Variants in SLC43A1 observed in about 807,000 individuals in gnomAD.
SLC43A1 encodes large neutral amino acids transporter small subunit 3.
Under a neutral mutation model 59.5 loss-of-function variants are expected in SLC43A1, and 31 were observed. That is an observed-to-expected ratio of 0.52 (90% CI 0.39 to 0.70). SLC43A1 has a LOEUF of 0.70. SLC43A1 is among the 30% of genes least tolerant of loss of function. SLC43A1 has a pLI of 0.00. For missense variants in SLC43A1, 598 were observed against 717.8 expected (o/e 0.83, Z 1.91); for synonymous variants, 259 against 290.9 (o/e 0.89, Z 1.12).
rs531238746 is a variant in SLC43A1, at chr11:57,500,760, C to A, written c.465+19G>T. 6.2e-7 allele frequency: 1 copy of A among 1,613,272 alleles called. No homozygotes were observed. The highest frequency in any genetic ancestry group is 2.2e-5 in the East Asian group (1 of 44,878). On this transcript the variant is annotated intron_variant, in intron 5 of 14. Transcript: ENST00000278426. The stretch of plus-strand genomic sequence containing the variant: ...CACTCGGGGGAACTCTGCTGCCAGG[C>A]CAGGCCTGTGACACTCACCGTGAGT...
intron 2 of SLC43A1, among the ~76,000 whole-genome samples, chr11:57,502,570 C>T (rs185544211): frequency 6.6e-6 from 1 of 152,188 alleles, no homozygotes; most frequent in Admixed American, 6.5e-5. Flanking sequence ...GTGACAGGTG[C>T]TGCTAAAAGA....
chr11:57,491,901 T>G (rs1943917075), intron 8 of SLC43A1, 39 bp from the exon 9 acceptor site: 9 of 1,603,322 alleles, frequency 5.6e-6, no homozygotes, highest in Non-Finnish European at 7.7e-6. Flanking sequence ...GCCCCAGACC[T>G]TCCACTGCCC....
rs1235630334 is a variant in SLC43A1, at chr11:57,491,997, G to A, written c.872-135C>T. ...GAGAGACTGGTTTCTTCAAAGACGG[G>A]AAAGTTCAGATTCACTTGCCTCCAG... On this transcript the variant is annotated intron_variant, in intron 8 of 14. Transcript: ENST00000278426. 1.5e-5 allele frequency: 13 copies of A among 851,910 alleles called. No homozygotes were observed. The East Asian group carries it at 3.5e-4, about 23-fold the overall frequency. The allele number at this position is 851,910 out of a possible 1,614,324, so 52.8% of individuals were successfully genotyped here.
intron 3 of SLC43A1, 38 bp from the exon 4 acceptor site, chr11:57,501,081 G>A (rs752828263): frequency 1.9e-6 from 3 of 1,607,280 alleles, no homozygotes; most frequent in African/African-American, 1.3e-5. Context: ...GTTGGCCTGT[G>A]AGCACCCCCC....
At chr11:57,513,596 T>C (rs756196825) in intron 2 of SLC43A1, among the ~76,000 whole-genome samples, 7 of 152,224 alleles carry the variant, frequency 4.6e-5, no homozygotes. Context: ...TTTATATTCA[T>C]ACTCCACTTT....
chr11:57,510,667 A>T (rs1466466117), intron 2 of SLC43A1, among the ~76,000 whole-genome samples: 1 of 151,554 alleles, frequency 6.6e-6, no homozygotes, highest in Admixed American at 6.6e-5. Flanking sequence ...ATGAGAAATT[A>T]AAAATTAAAA....
intron 5 of SLC43A1, among the ~76,000 whole-genome samples, chr11:57,500,278 G>A (rs1944222629): frequency 6.6e-6 from 1 of 152,050 alleles, no homozygotes; most frequent in Non-Finnish European, 1.5e-5. Context: ...ACAGGGACGG[G>A]GTCACACACC....
chr11:57,489,480 C>T, intron 11 of SLC43A1, 88 bp from the exon 12 acceptor site: 2 of 1,482,140 alleles, frequency 1.3e-6, no homozygotes, highest in East Asian at 2.3e-5. Context: ...TTCAGATGTG[C>T]CTTCGATGTC....
chr11:57,498,155 T>C (rs1340091996), intron 5 of SLC43A1, among the ~76,000 whole-genome samples: 1 of 152,142 alleles, frequency 6.6e-6, no homozygotes, highest in Non-Finnish European at 1.5e-5. Context: ...GAAACACTGA[T>C]CTTGGCTGGG....
chr11:57,504,201 A>C (rs1944340398), intron 2 of SLC43A1, among the ~76,000 whole-genome samples: 1 of 152,262 alleles, frequency 6.6e-6, no homozygotes, highest in East Asian at 1.9e-4. Context: ...CGTCTCAAAA[A>C]ATAAAAATAA....
chr11:57,491,930 T>C, intron 8 of SLC43A1, 68 bp from the exon 9 acceptor site: 2 of 1,498,428 alleles, frequency 1.3e-6, no homozygotes, highest in Non-Finnish European at 1.8e-6. Context: ...TCCCAGCTCA[T>C]GCAGTTCTTG....
At chr11:57,500,053 C>T (rs1231357382) in intron 5 of SLC43A1, among the ~76,000 whole-genome samples, 1 of 152,164 alleles carries the variant, frequency 6.6e-6, no homozygotes, top group Non-Finnish European at 1.5e-5. Flanking sequence ...CGAGCCAGCC[C>T]GGCCAGGAAC....
intron 2 of SLC43A1, 144 bp from the exon 3 acceptor site, chr11:57,501,473 G>A (rs1944266995): frequency 4.0e-6 from 3 of 749,482 alleles, no homozygotes; most frequent in Non-Finnish European, 6.6e-6. Context: ...TCCTCTGATG[G>A]GGCTGCTCCA....
At chr11:57,511,022 G>A (rs1944528030) in intron 2 of SLC43A1, among the ~76,000 whole-genome samples, 1 of 152,054 alleles carries the variant, frequency 6.6e-6, no homozygotes, top group African/African-American at 2.4e-5. Context: ...ATGAAATAGT[G>A]TAGCCACTTT....
In SLC43A1 at chr11:57,491,345, CGGA is replaced by C. The variant is rs1565126024; in HGVS notation, c.1069_1071del (p.Ser357del). On this transcript the variant is annotated inframe_deletion, in exon 11 of 15. Transcript: ENST00000278426. ...CACAACAGCTGCATGGCCCCGAAGA[CGGA>C]GGAGTAGAACCCAACTGGGCAGGAT... is the stretch of plus-strand genomic sequence containing the variant. 2 of 1,599,094 alleles carry C rather than the reference CGGA, an allele frequency of 1.3e-6. No individual in the cohort carries two copies. The highest frequency in any genetic ancestry group is 8.5e-7 in the Non-Finnish European group (1 of 1,172,554).
At position 57,489,404 on chromosome 11, in the gene SLC43A1, G is replaced by C; in HGVS notation, c.1194-12C>G. 1.2e-6 allele frequency: 2 copies of C among 1,613,758 alleles called. No individual in the cohort carries two copies. The highest frequency in any genetic ancestry group is 8.5e-7 in the Non-Finnish European group (1 of 1,179,776). On this transcript the variant is annotated splice_polypyrimidine_tract_variant and intron_variant, in intron 11 of 14. Coordinates refer to ENST00000278426, the MANE Select transcript of SLC43A1 (RefSeq NM_003627.6). ...TAGCAACCCCGTCCCTGAGGAGTAC[G>C]GGAAGTCACTGGCTGCTGCCTCTAC...
At chr11:57,499,227 G>C (rs951063532) in intron 5 of SLC43A1, among the ~76,000 whole-genome samples, 1 of 151,952 alleles carries the variant, frequency 6.6e-6, no homozygotes, top group East Asian at 1.9e-4. Flanking sequence ...GGGAGGCTGA[G>C]GCAGGAGAAT....
Position 57,496,045 on chromosome 11 carries a change from C to T in SLC43A1, c.678G>A (p.Glu226=). ...NWPIEAFPAP[E]EVNYTKKIKL... is the part of the protein sequence containing the mutation. ...CAGCCACTCACGTGTAATTGACTTCCTCAGGGGCAGGAAAGGCTTCGATGG... is the reference window on the plus strand; with the variant it reads ...CAGCCACTCACGTGTAATTGACTTCTTCAGGGGCAGGAAAGGCTTCGATGG... Residue 226 remains glutamate (E), a synonymous_variant, in exon 7 of 15, where the codon GAG becomes GAA. Coordinates refer to ENST00000278426, the MANE Select transcript of SLC43A1 (RefSeq NM_003627.6). 3 of 1,614,088 alleles carry T rather than the reference C, an allele frequency of 1.9e-6. No homozygotes were observed. The highest frequency in any genetic ancestry group is 3.3e-5 in the Admixed American group (2 of 60,008).
intron 2 of SLC43A1, among the ~76,000 whole-genome samples, chr11:57,511,547 T>A (rs1476424316): frequency 6.6e-6 from 1 of 152,046 alleles, no homozygotes; most frequent in African/African-American, 2.4e-5. Context: ...CCTCAAGTGA[T>A]CCTCCTGCCT....
Sources: allele counts gnomAD v4.1 joint callset (sites outside exome capture counted in the v4.1 genomes callset), GRCh38; gene constraint gnomAD v4.1.1; transcripts MANE v1.5; gene names NCBI Gene and HGNC (gene_info 2026-07-23, HGNC 2026-07-21).